The following EYS variants were observed in gnomAD, a reference collection of about 807,000 sequenced individuals.
The protein encoded by EYS is EGF-like photoreceptor maintenance factor.
EYS carries 250 observed loss-of-function variants against 282.1 expected under a neutral mutation model. That is an observed-to-expected ratio of 0.89 (90% CI 0.80 to 0.98). EYS has a LOEUF of 0.98. EYS is among the 50% of genes least tolerant of loss of function. The probability of loss-of-function intolerance (pLI) is 0.00; values close to 1 mark genes in which losing one functional copy is unlikely to be tolerated. For missense variants in EYS, 4,016 were observed against 3,709.0 expected (o/e 1.08, Z -2.15); for synonymous variants, 1,355 against 1,282.9 (o/e 1.06, Z -1.20).
intron 28 of EYS, among the ~76,000 whole-genome samples, chr6:64,402,840 A>T (rs965368369): frequency 6.6e-6 from 1 of 152,144 alleles, no homozygotes; most frequent in Non-Finnish European, 1.5e-5. Flanking sequence ...TTGTGTTTGT[A>T]TGTGGGACAA....
At chr6:64,777,628 T>A (rs917448696) in intron 22 of EYS, among the ~76,000 whole-genome samples, 1 of 152,174 alleles carries the variant, frequency 6.6e-6, no homozygotes, top group African/African-American at 2.4e-5. Flanking sequence ...ATAAAAGCTT[T>A]GCCACAAAGG....
At chr6:64,362,553 T>C (rs1561951583) in intron 29 of EYS, among the ~76,000 whole-genome samples, 1 of 151,840 alleles carries the variant, frequency 6.6e-6, no homozygotes, top group Non-Finnish European at 1.5e-5. Context: ...GCAGAAGTAT[T>C]TTCTTGTGAT....
intron 36 of EYS, among the ~76,000 whole-genome samples, chr6:63,811,968 T>A (rs1274496258): frequency 6.6e-6 from 1 of 152,242 alleles, no homozygotes; most frequent in African/African-American, 2.4e-5. Context: ...AATGCACTGT[T>A]CTTTGTAGCC....
intron 12 of EYS, among the ~76,000 whole-genome samples, chr6:65,238,873 G>A (rs949343560): frequency 1.3e-5 from 2 of 151,708 alleles, no homozygotes; most frequent in East Asian, 3.8e-4. Flanking sequence ...AACTGAAGAT[G>A]AACAAATGCT....
intron 35 of EYS, among the ~76,000 whole-genome samples, chr6:63,905,524 G>T (rs1485140352): frequency 6.6e-6 from 1 of 151,826 alleles, no homozygotes; most frequent in African/African-American, 2.4e-5. Flanking sequence ...TAGAGATGGG[G>T]TTTCACCATG....
intron 24 of EYS, among the ~76,000 whole-genome samples, chr6:64,608,418 T>G (rs952029341): frequency 1.3e-5 from 2 of 152,164 alleles, no homozygotes; most frequent in Non-Finnish European, 2.9e-5. Context: ...GAATTACAAT[T>G]TTAGTAATTG....
At chr6:65,637,746 A>G (rs1490063748) in intron 2 of EYS, among the ~76,000 whole-genome samples, 2 of 152,142 alleles carry the variant, frequency 1.3e-5, no homozygotes, top group African/African-American at 4.8e-5. Flanking sequence ...GACAGGGCTG[A>G]CACACCAGCT....
intron 19 of EYS, among the ~76,000 whole-genome samples, chr6:64,845,295 A>G (rs116086758): frequency 0.015 from 2,300 of 152,192 alleles, 56 homozygotes; most frequent in African/African-American, 0.053. Context: ...TATCTAAAAA[A>G]AAAATTAAAA....
At chr6:64,714,375 G>T (rs998798559) in intron 22 of EYS, among the ~76,000 whole-genome samples, 5 of 152,152 alleles carry the variant, frequency 3.3e-5, no homozygotes, top group Admixed American at 1.3e-4. Context: ...TTTTGACTCA[G>T]TCATGGCTTT....
chr6:64,795,858 T>C (rs1427661858), intron 22 of EYS, among the ~76,000 whole-genome samples: 1 of 152,180 alleles, frequency 6.6e-6, no homozygotes, highest in Non-Finnish European at 1.5e-5. Flanking sequence ...TCAGATCTGC[T>C]ATATGTGAGG....
At chr6:65,209,714 C>G (rs1453368872) in intron 12 of EYS, among the ~76,000 whole-genome samples, 1 of 151,822 alleles carries the variant, frequency 6.6e-6, no homozygotes, top group African/African-American at 2.4e-5. Context: ...TACAAGAAAG[C>G]CTGCTAAGCT....
rs62415799 is a variant in EYS, at chr6:64,577,018, C to T, written c.5644+13205G>A. On this transcript the variant is annotated intron_variant, in intron 26 of 42. Transcript: ENST00000503581. ...AGACACACGGGGAGAATACATGTAA[C>T]GGGAGGCAGACATTGGAGTGATGCA... is the stretch of plus-strand genomic sequence containing the variant. Among the ~76,000 whole-genome samples the T allele has an allele frequency of 7.6e-3, 1,162 of 152,100 alleles. 13 individuals carry two copies. The highest frequency in any genetic ancestry group is 0.041 in the South Asian group (200 of 4,822).
At chr6:65,347,375 A>C (rs1461878769) in intron 9 of EYS, among the ~76,000 whole-genome samples, 1 of 151,750 alleles carries the variant, frequency 6.6e-6, no homozygotes, top group Non-Finnish European at 1.5e-5. Flanking sequence ...TTTCTAAGTT[A>C]TTGATATATT....
intron 35 of EYS, among the ~76,000 whole-genome samples, chr6:63,946,914 G>T (rs1440110453): frequency 6.6e-6 from 1 of 150,590 alleles, no homozygotes; most frequent in Non-Finnish European, 1.5e-5. Context: ...TATTACTGAT[G>T]GTATGTATGT....
intron 22 of EYS, among the ~76,000 whole-genome samples, chr6:64,757,168 A>T (rs2149974996): frequency 6.6e-6 from 1 of 152,220 alleles, no homozygotes; most frequent in African/African-American, 2.4e-5. Context: ...AGGAAGACAT[A>T]CTCTGTTATG....
At chr6:65,682,796 G>A (rs1481269108) in intron 1 of EYS, among the ~76,000 whole-genome samples, 1 of 151,778 alleles carries the variant, frequency 6.6e-6, no homozygotes, top group Non-Finnish European at 1.5e-5. Flanking sequence ...GAGAAGGAAA[G>A]GCCATGTATA....
chr6:64,493,994 A>G (rs778231549), intron 26 of EYS, among the ~76,000 whole-genome samples: 1 of 151,610 alleles, frequency 6.6e-6, no homozygotes, highest in Non-Finnish European at 1.5e-5. Flanking sequence ...GTATTATTTC[A>G]GCTTATTTTG....
intron 29 of EYS, among the ~76,000 whole-genome samples, chr6:64,355,537 G>A (rs1353197011): frequency 6.6e-6 from 1 of 151,576 alleles, no homozygotes; most frequent in Non-Finnish European, 1.5e-5. Context: ...AATACTAACT[G>A]TTAAATTGAA....
At chr6:63,845,576 A>G (rs1772077714) in intron 36 of EYS, among the ~76,000 whole-genome samples, 1 of 152,178 alleles carries the variant, frequency 6.6e-6, no homozygotes, top group Non-Finnish European at 1.5e-5. Flanking sequence ...GGCTGTGAGT[A>G]ACACTTCTTT....
Sources: allele counts gnomAD v4.1 joint callset (sites outside exome capture counted in the v4.1 genomes callset), GRCh38; gene constraint gnomAD v4.1.1; transcripts MANE v1.5; gene names NCBI Gene and HGNC (gene_info 2026-07-23, HGNC 2026-07-21).